Variants in MCTP2 observed in about 807,000 individuals in gnomAD.
MCTP2 encodes the protein multiple C2 and transmembrane domain-containing protein 2.
A neutral mutation model predicts 111.6 loss-of-function variants in MCTP2; 132 were observed. That is an observed-to-expected ratio of 1.18 (90% CI 1.03 to 1.37). The LOEUF (loss-of-function observed/expected upper bound fraction) is 1.37, where lower values mean the gene tolerates loss of function less well. Ranked by LOEUF, MCTP2 falls within the 40% of genes most tolerant of loss-of-function variation. The pLI, the probability that MCTP2 is intolerant of heterozygous loss-of-function variation, is 0.00. For synonymous variants in MCTP2, 395 were observed against 387.7 expected, an observed-to-expected ratio of 1.02 and a Z score of -0.22; for missense variants, 1,183 against 1,067.9, an observed-to-expected ratio of 1.11 and a Z score of -1.50.
intron 2 of MCTP2, among the ~76,000 whole-genome samples, chr15:94,310,710 CAT>C (rs1294555852): frequency 8.0e-5 from 12 of 150,670 alleles, no homozygotes; most frequent in East Asian, 5.8e-4. Context: ...TATTTCATAA[CAT>C]AAAATAATAT....
chr15:94,260,117 C>G (rs1266840742), intron 1 of MCTP2, among the ~76,000 whole-genome samples: 1 of 152,188 alleles, frequency 6.6e-6, no homozygotes, highest in Non-Finnish European at 1.5e-5. Flanking sequence ...ATGTTGTCTT[C>G]TCACTTCTGT....
At chr15:94,360,561 G>A (rs948456657) in intron 10 of MCTP2, among the ~76,000 whole-genome samples, 1 of 152,140 alleles carries the variant, frequency 6.6e-6, no homozygotes, top group Non-Finnish European at 1.5e-5. Flanking sequence ...TGGGAACAGG[G>A]GCCTCCTGTG....
chr15:94,437,021 A>G (rs1190257504), intron 17 of MCTP2, among the ~76,000 whole-genome samples: 1 of 112,316 alleles, frequency 8.9e-6, no homozygotes, highest in East Asian at 3.5e-4. Flanking sequence ...TTATAGGAAC[A>G]GATTATATAT....
At chr15:94,389,461 C>T (rs1480998265) in intron 14 of MCTP2, among the ~76,000 whole-genome samples, 5 of 152,102 alleles carry the variant, frequency 3.3e-5, no homozygotes, top group African/African-American at 9.7e-5. Flanking sequence ...AAGAAAGTTT[C>T]GGCTCTAGTA....
chr15:94,458,715 C>A (rs992681461), intron 20 of MCTP2, among the ~76,000 whole-genome samples: 9 of 152,072 alleles, frequency 5.9e-5, no homozygotes, highest in Admixed American at 2.6e-4. Flanking sequence ...AGTTAAGTCA[C>A]CACATATATG....
chr15:94,279,723 C>G (rs1183682592), intron 1 of MCTP2, among the ~76,000 whole-genome samples: 1 of 152,070 alleles, frequency 6.6e-6, no homozygotes, highest in African/African-American at 2.4e-5. Context: ...CAGGTTTTGC[C>G]TGTTCACTAT....
At chr15:94,311,833 A>C (rs1840026004) in intron 2 of MCTP2, among the ~76,000 whole-genome samples, 1 of 152,136 alleles carries the variant, frequency 6.6e-6, no homozygotes, top group African/African-American at 2.4e-5. Context: ...AGGTGGATTA[A>C]TTTTGTCATT....
rs891771189 is a variant in MCTP2, at chr15:94,382,759, C to T, written c.1583-1263C>T. 4.6e-5 allele frequency among the ~76,000 whole-genome samples: 7 copies of T among 152,388 alleles called. No homozygotes were observed. In the East Asian group the frequency reaches 7.7e-4, roughly 17 times the overall value. Reference sequence around the variant, plus strand: ...ACTCCTTGGCCATTTGTTGGAACAGCGTCTGTCCTTGTGCCCCCAATTAAT... The same window carrying T: ...ACTCCTTGGCCATTTGTTGGAACAGTGTCTGTCCTTGTGCCCCCAATTAAT... On this transcript the variant is annotated intron_variant, in intron 12 of 22. Transcript: ENST00000357742.
chr15:94,349,420 A>C (rs181578198), intron 8 of MCTP2, among the ~76,000 whole-genome samples: 251 of 152,286 alleles, frequency 1.6e-3, no homozygotes, highest in South Asian at 3.7e-3. Context: ...AATTAGACTC[A>C]GTCATCAGAA....
At chr15:94,324,538 A>G (rs1250805733) in intron 4 of MCTP2, among the ~76,000 whole-genome samples, 1 of 152,192 alleles carries the variant, frequency 6.6e-6, no homozygotes, top group Admixed American at 6.5e-5. Flanking sequence ...TGCGAGTTTT[A>G]GTGGATGAAA....
At chr15:94,447,488 A>G (rs1409579954) in intron 19 of MCTP2, among the ~76,000 whole-genome samples, 2 of 152,126 alleles carry the variant, frequency 1.3e-5, no homozygotes, top group Non-Finnish European at 2.9e-5. Context: ...TCTGCCTCCC[A>G]AGTTCAAGTG....
chr15:94,477,139 G>C (rs985791963), intron 22 of MCTP2, among the ~76,000 whole-genome samples: 2 of 152,138 alleles, frequency 1.3e-5, no homozygotes, highest in Non-Finnish European at 2.9e-5. Context: ...AGGGAGTGTT[G>C]CTTATTTTCT....
rs1282332442 is a variant in MCTP2, at chr15:94,379,740, TATATG to T, written c.1583-4277_1583-4273del. 4.4e-4 allele frequency among the ~76,000 whole-genome samples: 65 copies of T among 146,930 alleles called. 1 individual carries two copies. Among genetic ancestry groups the T allele is most frequent in the Non-Finnish European group, 1.5e-4 (10 of 67,054 alleles). ...ATATAATATATAATGTGTAATATAATATATGATATATAATATATATAATATATGAT... is the reference window on the plus strand; with the variant it reads ...ATATAATATATAATGTGTAATATAATATATATAATATATATAATATATGAT... On this transcript the variant is annotated intron_variant, in intron 12 of 22. Transcript: ENST00000357742.
chr15:94,324,739 A>G (rs2076782030), intron 4 of MCTP2, among the ~76,000 whole-genome samples: 1 of 152,196 alleles, frequency 6.6e-6, no homozygotes, highest in Non-Finnish European at 1.5e-5. Flanking sequence ...ATACTGTGAG[A>G]ATTATGCTAT....
chr15:94,442,323 G>C (rs538342989), intron 18 of MCTP2, among the ~76,000 whole-genome samples: 2 of 152,180 alleles, frequency 1.3e-5, no homozygotes, highest in Non-Finnish European at 2.9e-5. Context: ...CAGTACAGCT[G>C]GTGCTGTGGC....
intron 17 of MCTP2, among the ~76,000 whole-genome samples, chr15:94,417,510 C>CGT (rs1437696924): frequency 6.6e-6 from 1 of 151,932 alleles, no homozygotes; most frequent in Non-Finnish European, 1.5e-5. Flanking sequence ...AGTACACGTA[C>CGT]GTGTGTGTGT....
intron 19 of MCTP2, among the ~76,000 whole-genome samples, chr15:94,450,231 T>G (rs1001122965): frequency 6.6e-6 from 1 of 152,244 alleles, no homozygotes; most frequent in African/African-American, 2.4e-5. Context: ...TATTTTATAT[T>G]CATTTCCCAA....
intron 4 of MCTP2, among the ~76,000 whole-genome samples, chr15:94,323,308 G>A (rs979428750): frequency 1.3e-5 from 2 of 152,142 alleles, no homozygotes; most frequent in Non-Finnish European, 2.9e-5. Context: ...GCCTCTCAGT[G>A]TGTGTATGTG....
intron 4 of MCTP2, among the ~76,000 whole-genome samples, chr15:94,330,452 C>A (rs2077079829): frequency 6.6e-6 from 1 of 152,126 alleles, no homozygotes; most frequent in Non-Finnish European, 1.5e-5. Context: ...TTGTAGATTT[C>A]ACCCTTTATA....
Sources: allele counts gnomAD v4.1 joint callset (sites outside exome capture counted in the v4.1 genomes callset), GRCh38; gene constraint gnomAD v4.1.1; transcripts MANE v1.5; gene names NCBI Gene and HGNC (gene_info 2026-07-23, HGNC 2026-07-21).